HSD17B14: variants seen among roughly 807,000 people sequenced by gnomAD.
The protein encoded by HSD17B14 is hydroxysteroid 17-beta dehydrogenase 14, also known as L-fucose dehydrogenase.
A neutral mutation model predicts 32.2 loss-of-function variants in HSD17B14; 32 were observed. The ratio of observed to expected loss-of-function variants is 0.99; its 90% confidence interval spans 0.75 to 1.33. The LOEUF (loss-of-function observed/expected upper bound fraction) is 1.33, where lower values mean the gene tolerates loss of function less well. Among genes scored for constraint, HSD17B14 ranks in the 40% most tolerant of loss-of-function variants. The pLI is 0.00. For missense variants in HSD17B14, 370 were observed against 366.5 expected, an observed-to-expected ratio of 1.01 and a Z score of -0.08; for synonymous variants, 140 against 155.4, an observed-to-expected ratio of 0.90 and a Z score of 0.74.
At position 48,814,966 on chromosome 19, in the gene HSD17B14, G is replaced by A; in HGVS notation, c.474+71C>T. ...AGATCTTGCTAGGTCTGGCTCCTAAGTTGTCTGGACTCAAAGCCAAGGCCC... is the reference window on the plus strand; with the variant it reads ...AGATCTTGCTAGGTCTGGCTCCTAAATTGTCTGGACTCAAAGCCAAGGCCC... On this transcript the variant is annotated intron_variant, in intron 6 of 8. Coordinates refer to ENST00000263278, the MANE Select transcript of HSD17B14 (RefSeq NM_016246.3). 7 of 1,196,000 alleles carry A rather than the reference G, an allele frequency of 5.9e-6. No homozygotes were observed. The South Asian group carries it at 8.7e-5, about 15-fold the overall frequency. 74.1% of individuals were successfully genotyped at this position (1,196,000 alleles called of 1,614,324 possible).
At chr19:48,835,904 T>C in intron 1 of HSD17B14, 61 bp from the exon 2 acceptor site, 3 of 1,519,164 alleles carry the variant, frequency 2.0e-6, no homozygotes, top group Non-Finnish European at 1.8e-6. Flanking sequence ...TGCCGCCCTC[T>C]TGTGGCCACC....
Position 48,835,922 on chromosome 19 carries a change from G to C in HSD17B14, c.89-79C>G. 2.2e-6 allele frequency: 3 copies of C among 1,334,796 alleles called. No individual in the cohort carries two copies. The South Asian group carries it at 3.6e-5, about 16-fold the overall frequency. 82.7% of individuals were successfully genotyped at this position (1,334,796 alleles called of 1,614,324 possible). ...CGCCCTCTTGTGGCCACCTGGATTG[G>C]GGCTGATCTCCCTCTCCCCTCGTGA... On this transcript the variant is annotated intron_variant, in intron 1 of 8. Transcript: ENST00000263278.
intron 5 of HSD17B14, among the ~76,000 whole-genome samples, chr19:48,826,779 C>T (rs1451539951): frequency 6.6e-6 from 1 of 151,734 alleles, no homozygotes; most frequent in Non-Finnish European, 1.5e-5. Context: ...GCTCCCTGGA[C>T]ACTGGGCCCG....
Position 48,832,676 on chromosome 19 carries a change from G to A in HSD17B14, c.267C>T (p.Asn89=), listed in dbSNP as rs758016296. The change falls in exon 4 of 9, where the codon AAC becomes AAT. Residue 89 remains asparagine, a synonymous_variant. Transcript: ENST00000263278. ...GGTCTCACAACTCACGGTGGCCAGC[G>A]TTGTTGACAACACAATCCAGGCGGC... ...RFGRLDCVVN[N]AGHHPPPQRP... is the part of the protein sequence containing the mutation. 1.2e-5 allele frequency: 19 copies of A among 1,613,308 alleles called. No homozygotes were observed. The highest frequency in any genetic ancestry group is 1.6e-4 in the Middle Eastern group (1 of 6,084).
intron 5 of HSD17B14, among the ~76,000 whole-genome samples, chr19:48,828,551 G>A (rs961603076): frequency 1.3e-5 from 2 of 152,060 alleles, no homozygotes; most frequent in Non-Finnish European, 2.9e-5. Flanking sequence ...CCAGGGGTTC[G>A]AGGCTGCTGT....
chr19:48,826,528 A>AAAAAAAAAAAAAAAAAT (rs777368104), intron 5 of HSD17B14, among the ~76,000 whole-genome samples: 1 of 23,078 alleles, frequency 4.3e-5, no homozygotes, highest in African/African-American at 1.2e-4. Context: ...AAAAGAAGAA[A>AAAAAAAAAAAAAAAAAT]ATATATATAT....
Position 48,834,127 on chromosome 19 carries a change from T to C in HSD17B14, c.210+149A>G, listed in dbSNP as rs114634000. The C allele has an allele frequency of 1.3e-3, 842 of 644,930 alleles. 7 individuals carry two copies. The African/African-American group carries it at 0.014, about 10-fold the overall frequency. The allele number at this position is 644,930 out of a possible 1,614,324, so 40.0% of individuals were successfully genotyped here. The stretch of plus-strand genomic sequence containing the variant: ...CATCAGTCACAGAAGACCTTGTGTG[T>C]GGAGTGACACTGGGTGGAAACCTTT... On this transcript the variant is annotated intron_variant, in intron 3 of 8. Transcript: ENST00000263278.
At chr19:48,833,972 A>G (rs1341282655) in intron 3 of HSD17B14, among the ~76,000 whole-genome samples, 1 of 152,144 alleles carries the variant, frequency 6.6e-6, no homozygotes, top group Non-Finnish European at 1.5e-5. Context: ...CCTCAGTGAC[A>G]CTTACAAAAA....
rs1335303463 is a variant in HSD17B14 at position 48,828,699 on chromosome 19, G to A, written c.369+2969C>T. Among the ~76,000 whole-genome samples the A allele has an allele frequency of 2.6e-5, 4 of 152,062 alleles. No homozygotes were observed. In the East Asian group the frequency reaches 7.7e-4, roughly 29 times the overall value. ...AATCCCAGGAGTTTGAAAGGCTGAG[G>A]CAGGAGAATCACTTGAGCCCAAGAG... On this transcript the variant is annotated intron_variant, in intron 5 of 8. Transcript: ENST00000263278.
At chr19:48,820,282 T>G (rs2035124384) in intron 5 of HSD17B14, among the ~76,000 whole-genome samples, 1 of 151,982 alleles carries the variant, frequency 6.6e-6, no homozygotes, top group Admixed American at 6.5e-5. Context: ...GAGACCAGCC[T>G]GACCAATATG....
At chr19:48,836,267 C>T (rs2035511932) in intron 1 of HSD17B14, 57 bp downstream of exon 1, 2 of 1,543,024 alleles carry the variant, frequency 1.3e-6, no homozygotes, top group East Asian at 2.3e-5. Flanking sequence ...CCCATCACCC[C>T]GCCCCCATCC....
intron 5 of HSD17B14, among the ~76,000 whole-genome samples, chr19:48,822,745 T>A (rs899792325): frequency 6.6e-6 from 1 of 151,868 alleles, no homozygotes; most frequent in Non-Finnish European, 1.5e-5. Flanking sequence ...GTGATGGTGA[T>A]GATTGTGGTA....
intron 2 of HSD17B14, among the ~76,000 whole-genome samples, chr19:48,835,337 G>A (rs1052302791): frequency 3.7e-5 from 4 of 108,520 alleles, no homozygotes; most frequent in South Asian, 3.9e-4. Flanking sequence ...GGAGGGGCTG[G>A]GAGCCTGGAC....
At chr19:48,835,303 GCC>G (rs2035464153) in intron 2 of HSD17B14, among the ~76,000 whole-genome samples, 2 of 96,892 alleles carry the variant, frequency 2.1e-5, no homozygotes, top group African/African-American at 1.1e-4. Context: ...GGGGATGGGG[GCC>G]TGGACTCCTG....
chr19:48,833,412 C>G (rs1162465925), intron 3 of HSD17B14, among the ~76,000 whole-genome samples: 1 of 152,174 alleles, frequency 6.6e-6, no homozygotes, highest in Non-Finnish European at 1.5e-5. Context: ...TACATACAGG[C>G]CACGTGCAGT....
intron 5 of HSD17B14, among the ~76,000 whole-genome samples, chr19:48,820,940 G>T (rs1243483560): frequency 6.6e-6 from 1 of 151,834 alleles, no homozygotes; most frequent in African/African-American, 2.4e-5. Context: ...CTGACCTTGT[G>T]ATCTGCCTGC....
intron 5 of HSD17B14, among the ~76,000 whole-genome samples, chr19:48,829,464 G>A (rs944762655): frequency 6.6e-6 from 1 of 151,206 alleles, no homozygotes; most frequent in Non-Finnish European, 1.5e-5. Flanking sequence ...CAATTCTACC[G>A]CCTCAGCCTC....
At chr19:48,813,418 G>T in intron 8 of HSD17B14, 38 bp downstream of exon 8, 1 of 1,570,234 alleles carries the variant, frequency 6.4e-7, no homozygotes, top group Non-Finnish European at 8.6e-7. Context: ...CCACCCCCAT[G>T]CCACCTTCTA....
intron 5 of HSD17B14, among the ~76,000 whole-genome samples, chr19:48,825,433 G>C (rs1319227114): frequency 6.6e-6 from 1 of 151,726 alleles, no homozygotes; most frequent in Admixed American, 6.6e-5. Flanking sequence ...TCAGCCTCTT[G>C]AGTAGCTGCG....
Sources: allele counts gnomAD v4.1 joint callset (sites outside exome capture counted in the v4.1 genomes callset), GRCh38; gene constraint gnomAD v4.1.1; transcripts MANE v1.5; gene names NCBI Gene and HGNC (gene_info 2026-07-23, HGNC 2026-07-21).